Variants in PDS5A observed in about 807,000 individuals in gnomAD.
PDS5A encodes the protein PDS5 cohesin associated factor A, also known as sister chromatid cohesion protein PDS5 homolog A.
PDS5A carries 42 observed loss-of-function variants against 167.1 expected under a neutral mutation model. The observed-to-expected ratio is 0.25, with a 90% confidence interval of 0.20 to 0.33. The LOEUF (loss-of-function observed/expected upper bound fraction) is 0.33, where lower values mean the gene tolerates loss of function less well. Ranked by LOEUF, PDS5A falls within the 10% of genes least tolerant of loss-of-function variation. PDS5A has a pLI of 1.00. For synonymous variants in PDS5A, 553 were observed against 554.6 expected, an observed-to-expected ratio of 1.00 and a Z score of 0.04; for missense variants, 1,033 against 1,605.9, an observed-to-expected ratio of 0.64 and a Z score of 6.10.
chr4:39,944,093 G>T (rs1727505274), intron 2 of PDS5A, among the ~76,000 whole-genome samples: 1 of 149,414 alleles, frequency 6.7e-6, no homozygotes, highest in Admixed American at 6.7e-5. Context: ...CAAGAGAATG[G>T]CGTGAACCCA....
intron 2 of PDS5A, among the ~76,000 whole-genome samples, chr4:39,958,706 G>A (rs548031987): frequency 2.7e-5 from 4 of 150,808 alleles, no homozygotes; most frequent in African/African-American, 7.3e-5. Context: ...CCTCTGTCTC[G>A]TGAGTTCAAA....
chr4:39,871,030 C>A (rs2109568597), intron 21 of PDS5A, among the ~76,000 whole-genome samples: 1 of 152,156 alleles, frequency 6.6e-6, no homozygotes, highest in South Asian at 2.1e-4. Flanking sequence ...CATGGAAGAG[C>A]CCTGAGAACA....
chr4:39,917,143 A>G lies in PDS5A; in HGVS notation c.781T>C (p.Leu261=), dbSNP rs1724467305. Residue 261 remains leucine (L), a synonymous_variant, in exon 8 of 33, where the codon TTG becomes CTG. Transcript: ENST00000303538. The part of the protein sequence containing the change: ...LVLGRSSVSD[L]SEHVFDLIQE... ...ATCAGATCAAATACATGTTCTGACA[A>G]ATCACTTACTGATGATCTTCCCAGC... 1 of 1,563,480 alleles carries G rather than the reference A, an allele frequency of 6.4e-7. No homozygotes were observed. The highest frequency in any genetic ancestry group is 1.4e-5 in the African/African-American group (1 of 71,712).
chr4:39,872,674 C>G (rs1436473659), intron 21 of PDS5A: 1 of 169,448 alleles, frequency 5.9e-6, no homozygotes, highest in Non-Finnish European at 1.3e-5. Flanking sequence ...CAAAAATAAC[C>G]CAATTCTAAC....
intron 11 of PDS5A, among the ~76,000 whole-genome samples, chr4:39,906,460 T>G (rs1267184343): frequency 6.6e-6 from 1 of 151,912 alleles, no homozygotes. Flanking sequence ...TGGCAGAAGA[T>G]TCTTTGGGAC....
chr4:39,860,147 AT>A (rs1315779171), intron 26 of PDS5A, among the ~76,000 whole-genome samples: 6 of 152,264 alleles, frequency 3.9e-5, no homozygotes, highest in Admixed American at 1.3e-4. Flanking sequence ...TCACTGCTGG[AT>A]ATATATCCAA....
intron 18 of PDS5A, 58 bp from the exon 19 acceptor site, chr4:39,877,211 G>T (rs1578653032): frequency 1.8e-6 from 2 of 1,085,990 alleles, no homozygotes; most frequent in Non-Finnish European, 2.6e-6. Context: ...CATTAAAAAA[G>T]AATTACTTCC....
At chr4:39,866,225 C>T (rs1719439988) in intron 23 of PDS5A, among the ~76,000 whole-genome samples, 1 of 152,188 alleles carries the variant, frequency 6.6e-6, no homozygotes, top group Non-Finnish European at 1.5e-5. Flanking sequence ...AGCGATTCTC[C>T]TGCCTCAGCC....
intron 10 of PDS5A, 193 bp from the exon 11 acceptor site, chr4:39,908,733 T>C (rs1256075262): frequency 5.4e-6 from 3 of 550,846 alleles, no homozygotes; most frequent in African/African-American, 1.9e-5. Flanking sequence ...CACTTTAAAC[T>C]CCCAAGTTGG....
Position 39,849,595 on chromosome 4 carries a change from G to A in PDS5A, c.3144C>T (p.Ala1048=), listed in dbSNP as rs778725295. The change falls in exon 27 of 33, where the codon GCC becomes GCT. Residue 1048 remains alanine, a synonymous_variant. Coordinates refer to ENST00000303538, the MANE Select transcript of PDS5A (RefSeq NM_001100399.2). The stretch of plus-strand genomic sequence containing the variant: ...TGTTCTCTGCCATCTTCTTCATAAA[G>A]GCATGGCTATTGTTTTCATTCTTTG... ...LMTKNENNSH[A]FMKKMAENIK... 5 of 1,607,886 alleles carry A rather than the reference G, an allele frequency of 3.1e-6. No individual in the cohort carries two copies. The highest frequency in any genetic ancestry group is 4.3e-6 in the Non-Finnish European group (5 of 1,174,512).
At chr4:39,877,631 T>G (rs1018877885) in intron 18 of PDS5A, among the ~76,000 whole-genome samples, 4 of 152,122 alleles carry the variant, frequency 2.6e-5, no homozygotes, top group Non-Finnish European at 5.9e-5. Flanking sequence ...TATGAGAATT[T>G]TTTTTTTTCT....
At chr4:39,863,963 T>C in intron 23 of PDS5A, among the ~76,000 whole-genome samples, 1 of 152,014 alleles carries the variant, frequency 6.6e-6, no homozygotes, top group East Asian at 1.9e-4. Flanking sequence ...ACCCTGTTTC[T>C]ACTAAAAATA....
chr4:39,904,226 A>G, intron 11 of PDS5A, 35 bp from the exon 12 acceptor site: 1 of 1,519,434 alleles, frequency 6.6e-7, no homozygotes, highest in Non-Finnish European at 9.0e-7. Context: ...TGAGCAAGAT[A>G]ACAAAACTCT....
chr4:39,918,182 C>CAAAAAAAAAAAAAAAAAA (rs11447119), intron 7 of PDS5A, among the ~76,000 whole-genome samples: 1 of 88,612 alleles, frequency 1.1e-5, no homozygotes, highest in African/African-American at 4.4e-5. Flanking sequence ...GACCCTGTCT[C>CAAAAAAAAAAAAAAAAAA]AAAAAAAAAA....
intron 16 of PDS5A, among the ~76,000 whole-genome samples, chr4:39,892,356 C>T (rs1722050711): frequency 6.6e-6 from 1 of 152,200 alleles, no homozygotes; most frequent in South Asian, 2.1e-4. Context: ...TGAATCCCAA[C>T]ACTTCTGAAC....
chr4:39,961,142 A>C (rs1340903143), intron 2 of PDS5A, among the ~76,000 whole-genome samples: 3 of 152,118 alleles, frequency 2.0e-5, no homozygotes, highest in African/African-American at 7.2e-5. Flanking sequence ...TCAGCAAATA[A>C]AAACTATCAG....
At chr4:39,944,828 G>A (rs890168824) in intron 2 of PDS5A, among the ~76,000 whole-genome samples, 3 of 151,742 alleles carry the variant, frequency 2.0e-5, no homozygotes, top group African/African-American at 2.4e-5. Flanking sequence ...AGAATAAAAC[G>A]AGTGAAGACG....
intron 32 of PDS5A, among the ~76,000 whole-genome samples, chr4:39,830,803 CATCTG>C (rs1271152287): frequency 2.6e-5 from 4 of 152,206 alleles, no homozygotes; most frequent in Non-Finnish European, 5.9e-5. Flanking sequence ...CTTTCAAAAA[CATCTG>C]ATCTATCTCT....
intron 17 of PDS5A, among the ~76,000 whole-genome samples, chr4:39,887,951 A>G (rs372264475): frequency 2.6e-5 from 4 of 152,242 alleles, no homozygotes; most frequent in African/African-American, 7.2e-5. Context: ...AAAAAATCCA[A>G]TTTAAAAGTG....
Sources: gnomAD v4.1 joint callset for allele counts (sites outside exome capture counted in the v4.1 genomes callset) on GRCh38, gnomAD v4.1.1 for gene constraint, MANE v1.5 for transcripts, NCBI Gene and HGNC (gene_info 2026-07-23, HGNC 2026-07-21) for gene names.